ASIC2: variants seen among roughly 807,000 people sequenced by gnomAD.
ASIC2 encodes the protein acid-sensing ion channel 2.
In ASIC2, 25 loss-of-function variants were observed where a neutral mutation model predicts 57.3. The observed-to-expected ratio is 0.44, with a 90% confidence interval of 0.32 to 0.61. The LOEUF is 0.61. ASIC2 is among the 20% of genes least tolerant of loss of function. The pLI is 0.06. For missense variants in ASIC2, 641 were observed against 738.1 expected (o/e 0.87, Z 1.52); for synonymous variants, 319 against 307.5 (o/e 1.04, Z -0.39).
In ASIC2 at chr17:33,263,203, A is replaced by G. The variant is rs551144102; in HGVS notation, c.708+28205T>C. On this transcript the variant is annotated intron_variant, in intron 1 of 9. Transcript: ENST00000225823. ...GCATAAAGACAAGCCGGGGACCTCT[A>G]CAGTGGCAGATGCTGGAGGAACTGT... Among the ~76,000 whole-genome samples, 4 of 152,276 alleles carry G rather than the reference A, an allele frequency of 2.6e-5. No individual in the cohort carries two copies. The South Asian group carries it at 8.3e-4, about 32-fold the overall frequency.
At chr17:33,422,223 G>A (rs1459910200) in intron 1 of ASIC2, among the ~76,000 whole-genome samples, 1 of 152,160 alleles carries the variant, frequency 6.6e-6, no homozygotes, top group Non-Finnish European at 1.5e-5. Context: ...ATTTCCCTGT[G>A]AACTTCTCAA....
intron 1 of ASIC2, among the ~76,000 whole-genome samples, chr17:33,712,219 C>T (rs962391194): frequency 3.9e-5 from 6 of 152,156 alleles, no homozygotes; most frequent in African/African-American, 1.2e-4. Flanking sequence ...GGAGCAGCTG[C>T]CTTCTGTGCA....
intron 1 of ASIC2, among the ~76,000 whole-genome samples, chr17:33,734,668 A>T (rs1305348067): frequency 6.6e-6 from 1 of 152,186 alleles, no homozygotes; most frequent in Admixed American, 6.5e-5. Flanking sequence ...GGTTGTAAGG[A>T]TGGGACCCCA....
chr17:34,003,636 T>G (rs1345113772), intron 1 of ASIC2: 1 of 152,138 alleles, frequency 6.6e-6, no homozygotes, highest in Admixed American at 6.6e-5. Context: ...TTTTGTATAT[T>G]TTTCACATCA....
chr17:33,215,017 C>T (rs1237345613), intron 1 of ASIC2, among the ~76,000 whole-genome samples: 1 of 152,186 alleles, frequency 6.6e-6, no homozygotes, highest in East Asian at 1.9e-4. Flanking sequence ...TAAGAGGCTT[C>T]CCTATACATG....
At chr17:33,245,837 G>A (rs1908670653) in intron 1 of ASIC2, among the ~76,000 whole-genome samples, 1 of 152,200 alleles carries the variant, frequency 6.6e-6, no homozygotes. Flanking sequence ...GGCCCCATAA[G>A]GGGTTTGGGA....
chr17:33,521,532 T>A (rs1274961353), intron 1 of ASIC2, among the ~76,000 whole-genome samples: 1 of 152,084 alleles, frequency 6.6e-6, no homozygotes, highest in Non-Finnish European at 1.5e-5. Flanking sequence ...TCTCTCCCAG[T>A]GGGTACACAG....
intron 1 of ASIC2, among the ~76,000 whole-genome samples, chr17:33,548,224 C>A (rs1221640883): frequency 6.6e-6 from 1 of 152,192 alleles, no homozygotes; most frequent in African/African-American, 2.4e-5. Flanking sequence ...AAAAGAGGTG[C>A]TTTCATTGGA....
At chr17:33,878,087 C>T (rs560959102) in intron 1 of ASIC2, among the ~76,000 whole-genome samples, 1 of 152,246 alleles carries the variant, frequency 6.6e-6, no homozygotes, top group South Asian at 2.1e-4. Context: ...GAAAGGACAG[C>T]CACACCAAAA....
intron 1 of ASIC2, among the ~76,000 whole-genome samples, chr17:33,419,209 C>T (rs1437921331): frequency 6.6e-6 from 1 of 152,220 alleles, no homozygotes; most frequent in East Asian, 1.9e-4. Flanking sequence ...TTCCTTGCCC[C>T]AGAGGGAGCG....
At chr17:33,017,024 G>T (rs150198796) in intron 8 of ASIC2, among the ~76,000 whole-genome samples, 1 of 152,184 alleles carries the variant, frequency 6.6e-6, no homozygotes, top group Non-Finnish European at 1.5e-5. Flanking sequence ...CAGAGGCCTC[G>T]TTCCAGCTGC....
chr17:34,084,573 G>T (rs1598015616), intron 1 of ASIC2, among the ~76,000 whole-genome samples: 2 of 152,100 alleles, frequency 1.3e-5, no homozygotes, highest in East Asian at 3.9e-4. Flanking sequence ...TTCCAATTCT[G>T]TGAAGAAAGT....
intron 1 of ASIC2, among the ~76,000 whole-genome samples, chr17:33,408,987 G>T (rs748185775): frequency 6.6e-6 from 1 of 152,220 alleles, no homozygotes; most frequent in Non-Finnish European, 1.5e-5. Context: ...GCTGAGGTGG[G>T]TGGATCGTTT....
chr17:34,016,460 C>T (rs762331543), intron 1 of ASIC2, among the ~76,000 whole-genome samples: 1 of 145,220 alleles, frequency 6.9e-6, no homozygotes, highest in Non-Finnish European at 1.5e-5. Flanking sequence ...AACAATGCAA[C>T]TGCCCATCAT....
intron 1 of ASIC2, among the ~76,000 whole-genome samples, chr17:33,685,197 C>T (rs1908145908): frequency 6.6e-6 from 1 of 152,206 alleles, no homozygotes; most frequent in Admixed American, 6.5e-5. Context: ...CTCTCTAAGG[C>T]AGCAGGTGCG....
chr17:34,153,334 G>C (rs1904596795), intron 1 of ASIC2, among the ~76,000 whole-genome samples: 2 of 152,214 alleles, frequency 1.3e-5, no homozygotes, highest in African/African-American at 4.8e-5. Context: ...ATCCTAGATA[G>C]AGCCTCAAAA....
chr17:33,552,910 G>A (rs763997653), intron 1 of ASIC2, among the ~76,000 whole-genome samples: 4 of 152,186 alleles, frequency 2.6e-5, no homozygotes, highest in African/African-American at 4.8e-5. Context: ...CTCTTGCACC[G>A]CCCTGGAGCT....
chr17:33,078,807 C>G (rs1677637711), intron 3 of ASIC2, among the ~76,000 whole-genome samples: 1 of 152,180 alleles, frequency 6.6e-6, no homozygotes, highest in African/African-American at 2.4e-5. Context: ...TAAGAAGAAC[C>G]AGGCTAGTCT....
At chr17:34,124,291 T>C (rs1440336437) in intron 1 of ASIC2, among the ~76,000 whole-genome samples, 1 of 152,158 alleles carries the variant, frequency 6.6e-6, no homozygotes, top group African/African-American at 2.4e-5. Context: ...ATATTTAATA[T>C]ACTTTCTAAG....
Sources: allele counts gnomAD v4.1 joint callset (sites outside exome capture counted in the v4.1 genomes callset), GRCh38; gene constraint gnomAD v4.1.1; transcripts MANE v1.5; gene names NCBI Gene and HGNC (gene_info 2026-07-23, HGNC 2026-07-21).